The following DAB2IP variants were observed in gnomAD, a reference collection of about 807,000 sequenced individuals.
DAB2IP encodes the protein disabled homolog 2-interacting protein.
A neutral mutation model predicts 107.2 loss-of-function variants in DAB2IP; 28 were observed. The observed-to-expected ratio is 0.26, with a 90% confidence interval of 0.19 to 0.36. DAB2IP has a LOEUF of 0.36. Ranked by LOEUF, DAB2IP falls within the 10% of genes least tolerant of loss-of-function variation. The pLI is 1.00. For synonymous variants in DAB2IP, 755 were observed against 706.4 expected, an observed-to-expected ratio of 1.07 and a Z score of -1.09; for missense variants, 1,400 against 1,644.7, an observed-to-expected ratio of 0.85 and a Z score of 2.57.
chr9:121,648,103 C>A (rs1012850785), upstream of DAB2IP, among the ~76,000 whole-genome samples: 5 of 151,806 alleles, frequency 3.3e-5, no homozygotes, highest in Non-Finnish European at 7.4e-5. Context: ...ACTCAGGGAA[C>A]GGGTGGAAAG....
At chr9:121,733,914 AG>A (rs1370622229) in intron 3 of DAB2IP, among the ~76,000 whole-genome samples, 1 of 152,230 alleles carries the variant, frequency 6.6e-6, no homozygotes, top group Non-Finnish European at 1.5e-5. Context: ...AGGAGTGTGC[AG>A]GGACAGGTAG....
At chr9:121,773,109 A>G in exon 12 of DAB2IP, 1 of 1,612,394 alleles carries the variant, frequency 6.2e-7, no homozygotes, top group Non-Finnish European at 8.5e-7. Flanking sequence ...GAGCTCACAC[A>G]GCAACAGCGA....
chr9:121,772,999 C>CA lies in DAB2IP; in HGVS notation c.2472dup (p.Pro825ThrfsTer28). On this transcript the variant is annotated frameshift_variant, in exon 12 of 16. Coordinates refer to ENST00000408936, the Ensembl canonical transcript of DAB2IP. LOFTEE classifies it high-confidence loss of function. The surrounding 1 kb of genome is among the most constrained non-coding windows in gnomAD (Gnocchi z 4.7). ...GCGCCAGGCCGGCCCCAGCTGTTGG[C>CA]ACCGCTCTCCTTCCAGAACCCTGTG... 1 of 1,610,400 alleles carries CA rather than the reference C, an allele frequency of 6.2e-7. No homozygotes were observed. The highest frequency in any genetic ancestry group is 8.5e-7 in the Non-Finnish European group (1 of 1,178,986).
chr9:121,776,445 C>T lies in DAB2IP; in HGVS notation c.3314+54C>T, dbSNP rs1315251885. The T allele has an allele frequency of 4.1e-6, 6 of 1,460,474 alleles. No homozygotes were observed. The highest frequency in any genetic ancestry group is 5.4e-6 in the Non-Finnish European group (6 of 1,105,596). 90.5% of individuals were successfully genotyped at this position (1,460,474 alleles called of 1,614,324 possible). On this transcript the variant is annotated intron_variant, in intron 14 of 15. Coordinates refer to ENST00000408936, the Ensembl canonical transcript of DAB2IP. This position sits in a 1 kb window ranked among gnomAD's most constrained non-coding sequence, Gnocchi z 5.4. ...ACAGGCACAGGCAGGGCAGCCATCG[C>T]TGCCTTCGAGGAGGCCCCTGGTCGG... is the stretch of plus-strand genomic sequence containing the variant.
upstream of DAB2IP, among the ~76,000 whole-genome samples, chr9:121,650,351 C>T (rs1037783671): frequency 1.3e-5 from 2 of 152,182 alleles, no homozygotes; most frequent in Admixed American, 6.5e-5. Context: ...GGACTAGGGA[C>T]CCTCCCCGCT....
Position 121,735,696 on chromosome 9 carries a change from G to T in DAB2IP, c.363-21317G>T, listed in dbSNP as rs545507276. 2.0e-4 allele frequency among the ~76,000 whole-genome samples: 30 copies of T among 152,318 alleles called. No homozygotes were observed. The East Asian group carries it at 4.6e-3, about 24-fold the overall frequency. On this transcript the variant is annotated intron_variant, in intron 3 of 15. Transcript: ENST00000408936. ...TTGCTGGTGGCTGTAAGGGAAGGAGGTGTGACGGTATGATACCCTGCATGT... is the reference window on the plus strand; with the variant it reads ...TTGCTGGTGGCTGTAAGGGAAGGAGTTGTGACGGTATGATACCCTGCATGT...
At chr9:121,754,843 T>C (rs1350263203) in intron 3 of DAB2IP, among the ~76,000 whole-genome samples, 1 of 152,092 alleles carries the variant, frequency 6.6e-6, no homozygotes, top group Non-Finnish European at 1.5e-5. Context: ...AGCCAGCTCA[T>C]TCATGCGCCC....
At chr9:121,705,121 C>T (rs1829992275) in intron 3 of DAB2IP, among the ~76,000 whole-genome samples, 1 of 152,142 alleles carries the variant, frequency 6.6e-6, no homozygotes, top group African/African-American at 2.4e-5. Flanking sequence ...CCTTGTGTAC[C>T]TTCCCAAGAT....
chr9:121,594,163 G>T (rs1001877281), intron 1 of DAB2IP, among the ~76,000 whole-genome samples: 1 of 151,978 alleles, frequency 6.6e-6, no homozygotes, highest in Non-Finnish European at 1.5e-5. Context: ...CCAGCAACAG[G>T]CTCAGAGGGA....
intron 1 of DAB2IP, among the ~76,000 whole-genome samples, chr9:121,637,163 G>A (rs940759513): frequency 6.6e-6 from 1 of 152,208 alleles, no homozygotes; most frequent in Non-Finnish European, 1.5e-5. Flanking sequence ...GAAATTTAGT[G>A]TCTCTGAGGC....
rs186701007 is a variant in DAB2IP at position 121,606,168 on chromosome 9, C to T, written c.40+38940C>T. Among the ~76,000 whole-genome samples the T allele has an allele frequency of 3.0e-4, 46 of 152,108 alleles. 2 individuals are homozygous for T. In the South Asian group the frequency reaches 8.1e-3, roughly 27 times the overall value. On this transcript the variant is annotated intron_variant, in intron 1 of 16. Coordinates refer to the DAB2IP transcript ENST00000259371. ...ACCAGCCTGGTCAACATGGTGAAAC[C>T]CCGTCTGTAATAAAAATACAAAAAG... is the stretch of plus-strand genomic sequence containing the variant.
At chr9:121,627,131 A>ACACACT (rs1554715826) in intron 1 of DAB2IP, among the ~76,000 whole-genome samples, 3 of 59,226 alleles carry the variant, frequency 5.1e-5, no homozygotes, top group Admixed American at 4.2e-4. Context: ...ACACACACAC[A>ACACACT]CACACACACT....
At chr9:121,759,313 C>T (rs1833719086) in intron 5 of DAB2IP, among the ~76,000 whole-genome samples, 1 of 152,196 alleles carries the variant, frequency 6.6e-6, no homozygotes, top group Admixed American at 6.5e-5. Flanking sequence ...TTCTGCTCAT[C>T]TTCCCCTTCC....
intron 3 of DAB2IP, among the ~76,000 whole-genome samples, chr9:121,735,231 T>C (rs1040132903): frequency 6.6e-6 from 1 of 151,948 alleles, no homozygotes; most frequent in Non-Finnish European, 1.5e-5. Flanking sequence ...CTGATGCAAA[T>C]GTGGGCAGAC....
chr9:121,711,090 T>G (rs1830317033), intron 3 of DAB2IP, among the ~76,000 whole-genome samples: 1 of 152,204 alleles, frequency 6.6e-6, no homozygotes, highest in Non-Finnish European at 1.5e-5. Flanking sequence ...GCAGAGAACT[T>G]AGTCTTAGAG....
At chr9:121,766,566 C>T (rs1318273590) in exon 9 of DAB2IP, 1 of 1,613,590 alleles carries the variant, frequency 6.2e-7, no homozygotes. Context: ...GCCGCCCGGA[C>T]ATCAGTGAGC....
chr9:121,621,869 G>A (rs186533635), intron 1 of DAB2IP, among the ~76,000 whole-genome samples: 7 of 150,908 alleles, frequency 4.6e-5, no homozygotes, highest in Non-Finnish European at 1.0e-4. Flanking sequence ...TGGCCAGGCT[G>A]GTCTCGAACT....
intron 2 of DAB2IP, among the ~76,000 whole-genome samples, chr9:121,692,006 C>A (rs754610385): frequency 6.6e-6 from 1 of 152,084 alleles, no homozygotes; most frequent in Non-Finnish European, 1.5e-5. Flanking sequence ...TGAAGCCCTG[C>A]GAGAAAAGCA....
At chr9:121,693,355 G>A (rs1418744256) in intron 2 of DAB2IP, among the ~76,000 whole-genome samples, 1 of 152,070 alleles carries the variant, frequency 6.6e-6, no homozygotes, top group Non-Finnish European at 1.5e-5. Flanking sequence ...AGCCTGCCGC[G>A]GTGTCAGGTC....
Sources: allele counts gnomAD v4.1 joint callset (sites outside exome capture counted in the v4.1 genomes callset), GRCh38; gene constraint gnomAD v4.1.1; non-coding constraint Gnocchi (gnomAD v3.1); transcripts MANE v1.5; gene names NCBI Gene and HGNC (gene_info 2026-07-23, HGNC 2026-07-21).